Variants in JADE3 observed in about 807,000 individuals in gnomAD.
JADE3 encodes protein Jade-3.
JADE3 carries 2 observed loss-of-function variants against 50.1 expected under a neutral mutation model. The ratio of observed to expected loss-of-function variants is 0.04; its 90% CI spans 0.02 to 0.13. JADE3 has a LOEUF of 0.13. Ranked by LOEUF, JADE3 falls within the 10% of genes least tolerant of loss-of-function variation. The probability of loss-of-function intolerance (pLI) is 1.00; values close to 1 mark genes in which losing one functional copy is unlikely to be tolerated. For synonymous variants in JADE3, 218 were observed against 232.9 expected (o/e 0.94, Z 0.58); for missense variants, 475 against 634.4 (o/e 0.75, Z 2.70).
chrX:47,042,636 G>A (rs782501942), intron 8 of JADE3, among the ~76,000 whole-genome samples: 2 of 111,970 alleles, frequency 1.8e-5, no homozygotes, highest in Non-Finnish European at 3.8e-5. Context: ...GGGAGGAAAC[G>A]TAGAAAGGAC....
chrX:46,952,484 A>G (rs1556345394), intron 1 of JADE3, among the ~76,000 whole-genome samples: 1 of 112,410 alleles, frequency 8.9e-6, no homozygotes, highest in African/African-American at 3.2e-5. Flanking sequence ...GCTAATTAGA[A>G]TCAGATCCAC....
intron 1 of JADE3, among the ~76,000 whole-genome samples, chrX:46,948,998 A>G (rs1240007445): frequency 6.3e-5 from 7 of 111,385 alleles, no homozygotes; most frequent in African/African-American, 2.0e-4. Context: ...CAGTGGCACA[A>G]TCATGGCCCA....
At chrX:46,941,824 A>G (rs967060654) in intron 1 of JADE3, among the ~76,000 whole-genome samples, 1 of 108,795 alleles carries the variant, frequency 9.2e-6, no homozygotes, top group Non-Finnish European at 1.9e-5. Context: ...TGCAGACTCA[A>G]GCTCCCAGGC....
chrX:47,007,095 C>A (rs782437333), intron 4 of JADE3, among the ~76,000 whole-genome samples: 52 of 110,958 alleles, frequency 4.7e-4, no homozygotes, highest in Non-Finnish European at 7.5e-4. Context: ...TGAGCCACTG[C>A]GCGTGGCCAG....
chrX:46,993,032 C>G (rs1411842144), intron 3 of JADE3, among the ~76,000 whole-genome samples: 4 of 111,239 alleles, frequency 3.6e-5, no homozygotes, highest in East Asian at 2.8e-4. Flanking sequence ...GTTTTTAATC[C>G]CTAGAAAAAG....
chrX:46,922,402 AT>A (rs2147103038), intron 1 of JADE3, among the ~76,000 whole-genome samples: 1 of 110,087 alleles, frequency 9.1e-6, no homozygotes, highest in African/African-American at 3.3e-5. Context: ...CCTGTCACTA[AT>A]TTTGGAAAGT....
intron 4 of JADE3, among the ~76,000 whole-genome samples, chrX:47,013,961 G>A (rs1379564629): frequency 8.9e-6 from 1 of 111,899 alleles, no homozygotes; most frequent in Non-Finnish European, 1.9e-5. Flanking sequence ...CTTTACTCTT[G>A]ACTGACCCAC....
At chrX:46,960,314 G>A (rs1281421796) in intron 1 of JADE3, among the ~76,000 whole-genome samples, 7 of 111,759 alleles carry the variant, frequency 6.3e-5, no homozygotes, top group African/African-American at 2.3e-4. Context: ...CTGGGCTGGC[G>A]AATAAGAACT....
chrX:47,058,416 G>A lies in JADE3; in HGVS notation c.1811G>A (p.Arg604His), dbSNP rs782728369. The change falls in exon 11 of 11, where the codon CGT becomes CAT. Residue 604 changes from arginine to histidine, a missense_variant. Arg to His is a conservative substitution (Grantham distance 29). Around this residue, in one of 6 missense-constraint regions of JADE3, gnomAD observed 243 missense variants for 238.2 expected, o/e 1.02. Coordinates refer to ENST00000614628, the MANE Select transcript of JADE3 (RefSeq NM_014735.5). The part of the protein sequence containing the change: ...PRYPLESKNN[R>H]LLASLSHSRS... ...TACCCACTAGAGAGCAAGAATAACC[G>A]TTTGCTGGCCAGTCTCAGCCATTCT... is the stretch of plus-strand genomic sequence containing the variant. 71 of 1,209,243 alleles carry A rather than the reference G, an allele frequency of 5.9e-5. No individual in the cohort carries two copies. Among genetic ancestry groups the A allele is most frequent in the Middle Eastern group, 4.6e-4 (2 of 4,355 alleles).
In JADE3 at chrX:46,998,481, G is replaced by A. The variant is rs192174679; in HGVS notation, c.284+204G>A. Reference sequence around the variant, plus strand: ...GCTCATGTATTTAGGGACATAGTATGTGCCCATTATTCATAGGATAAAACC... The same window carrying A: ...GCTCATGTATTTAGGGACATAGTATATGCCCATTATTCATAGGATAAAACC... On this transcript the variant is annotated intron_variant, in intron 4 of 10. Transcript: ENST00000614628. 4.5e-4 allele frequency among the ~76,000 whole-genome samples: 50 copies of A among 110,080 alleles called. 1 individual carries two copies. Among genetic ancestry groups the A allele is most frequent in the Non-Finnish European group, 5.7e-4 (30 of 52,909 alleles).
chrX:47,029,779 G>C (rs1928979005), intron 6 of JADE3, among the ~76,000 whole-genome samples: 1 of 111,636 alleles, frequency 9.0e-6, no homozygotes, highest in South Asian at 3.7e-4. Context: ...CTTTAAGTGA[G>C]AGCAGAAAAT....
intron 4 of JADE3, among the ~76,000 whole-genome samples, chrX:47,008,310 A>G (rs1364117991): frequency 8.9e-6 from 1 of 111,930 alleles, no homozygotes; most frequent in Non-Finnish European, 1.9e-5. Context: ...TCTTGGAAGT[A>G]TTTTACAACA....
intron 7 of JADE3, among the ~76,000 whole-genome samples, chrX:47,037,510 C>T (rs1020624686): frequency 8.9e-6 from 1 of 111,943 alleles, no homozygotes; most frequent in African/African-American, 3.3e-5. Flanking sequence ...CTTGGCTGGG[C>T]GCAGTGGCTC....
intron 1 of JADE3, among the ~76,000 whole-genome samples, chrX:46,916,125 G>A (rs1251975660): frequency 9.0e-6 from 1 of 111,704 alleles, no homozygotes; most frequent in African/African-American, 3.3e-5. Context: ...CAATACACTA[G>A]ACTTTGTGTG....
rs782432445 is a variant in JADE3, at chrX:47,058,969, G to A, written c.2364G>A (p.Arg788=). ...GTGATGGGAATAAAGAAAAAGTCAG[G>A]GTAAGGAAAGATAGCTCAGACAGGG... ...AESDGNKEKV[R]VRKDSSDREN... is the part of the protein sequence containing the mutation. Residue 788 remains arginine (R), a synonymous_variant, in exon 11 of 11, where the codon AGG becomes AGA. Coordinates refer to ENST00000614628, the MANE Select transcript of JADE3 (RefSeq NM_014735.5). 4 of 1,208,500 alleles carry A rather than the reference G, an allele frequency of 3.3e-6. No homozygotes were observed. In the East Asian group the frequency reaches 8.9e-5, roughly 27 times the overall value.
chrX:46,991,145 C>T (rs1556355861), intron 3 of JADE3, among the ~76,000 whole-genome samples: 1 of 96,189 alleles, frequency 1.0e-5, no homozygotes, highest in East Asian at 3.5e-4. Context: ...AGTGCAATGG[C>T]GCAATCTCGG....
chrX:46,975,894 A>G (rs952289788), intron 1 of JADE3, among the ~76,000 whole-genome samples: 1 of 106,365 alleles, frequency 9.4e-6, no homozygotes, highest in African/African-American at 3.4e-5. Context: ...TAATTTTTGT[A>G]TTTTTAGTAG....
At chrX:47,020,191 C>T (rs781921177) in intron 4 of JADE3, among the ~76,000 whole-genome samples, 92 of 111,161 alleles carry the variant, frequency 8.3e-4, no homozygotes, top group Non-Finnish European at 1.3e-3. Flanking sequence ...ATTAGCCTGG[C>T]ATGGTGGCAT....
chrX:46,975,665 A>C (rs10429801), intron 1 of JADE3, among the ~76,000 whole-genome samples: 96 of 105,364 alleles, frequency 9.1e-4, no homozygotes, highest in African/African-American at 3.1e-3. Context: ...ATTTTGGTTC[A>C]TAAATCATTT....
Sources: gnomAD v4.1 joint callset for allele counts (sites outside exome capture counted in the v4.1 genomes callset) on GRCh38, gnomAD v4.1.1 for gene constraint, gnomAD v4.1.1 regional missense constraint, MANE v1.5 for transcripts, NCBI Gene and HGNC (gene_info 2026-07-23, HGNC 2026-07-21) for gene names.